Variants in UGT1A3 observed in about 807,000 individuals in gnomAD.
UGT1A3 encodes the protein UDP glucuronosyltransferase family 1 member A3.
A neutral mutation model predicts 41.0 loss-of-function variants in UGT1A3; 31 were observed. The ratio of observed to expected loss-of-function variants is 0.76; its 90% CI spans 0.57 to 1.02. UGT1A3 has a LOEUF of 1.02. Among genes scored for constraint, UGT1A3 ranks in the 50% least tolerant of loss-of-function variants. UGT1A3 has a pLI of 0.00. For synonymous variants in UGT1A3, 262 were observed against 257.6 expected (o/e 1.02, Z -0.17); for missense variants, 737 against 671.0 (o/e 1.10, Z -1.09).
intron 1 of UGT1A3, chr2:233,747,653 T>C: frequency 6.3e-7 from 1 of 1,590,314 alleles, no homozygotes; most frequent in Non-Finnish European, 8.6e-7. Context: ...CTTCCTTCGA[T>C]GTGGTTTTAA....
chr2:233,768,575 AT>A (rs1699646969), intron 4 of UGT1A3, 136 bp downstream of exon 4: 6 of 1,110,618 alleles, frequency 5.4e-6, no homozygotes, highest in Non-Finnish European at 7.1e-6. Flanking sequence ...CTGGATTTTT[AT>A]TTCTTCTTTT....
intron 1 of UGT1A3, among the ~76,000 whole-genome samples, chr2:233,741,049 G>T (rs1450798291): frequency 1.3e-5 from 2 of 151,748 alleles, no homozygotes; most frequent in Non-Finnish European, 2.9e-5. Context: ...ATCTTGCCTA[G>T]GTAACAGCTA....
Position 233,734,360 on chromosome 2 carries a change from C to A in UGT1A3, c.867+4367C>A, listed in dbSNP as rs565800937. 2.0e-5 allele frequency among the ~76,000 whole-genome samples: 3 copies of A among 152,192 alleles called. No homozygotes were observed. The East Asian group carries it at 5.8e-4, about 29-fold the overall frequency. On this transcript the variant is annotated intron_variant, in intron 1 of 4. Transcript: ENST00000482026. ...ATGGTAGTTTGTATTTCTGTGGGAT[C>A]GGTGGTGATATTGCCTTTACTATTT...
In UGT1A3 at chr2:233,729,375, G is replaced by C; in HGVS notation, c.249G>C (p.Ser83=). The change falls in exon 1 of 5, where the codon TCG becomes TCC. Residue 83 remains serine, a synonymous_variant. Coordinates refer to ENST00000482026, the MANE Select transcript of UGT1A3 (RefSeq NM_019093.4). ...TCACCCTGACAACCTATGCCATTTC[G>C]TGGACCCAGGATGAATTTGATCGCC... ...NFFTLTTYAI[S]WTQDEFDRHV... is the part of the protein sequence containing the mutation. 6.2e-7 allele frequency: 1 copy of C among 1,614,010 alleles called. No individual in the cohort carries two copies. Among genetic ancestry groups the C allele is most frequent in the Non-Finnish European group, 8.5e-7 (1 of 1,179,910 alleles).
intron 1 of UGT1A3, among the ~76,000 whole-genome samples, chr2:233,745,573 G>T (rs1271557146): frequency 6.6e-6 from 1 of 151,620 alleles, no homozygotes; most frequent in African/African-American, 2.4e-5. Flanking sequence ...AGCCTCTAGT[G>T]ACATAACCTG....
rs371746067 is a variant in UGT1A3, at chr2:233,749,430, ACT to A, written c.868-17603_868-17602del. On this transcript the variant is annotated intron_variant, in intron 1 of 4. Transcript: ENST00000482026. ...TGTTAACTACATTGCTCAAAACTTC[ACT>A]GTCATCTCAGTGGAGCAGAACGAAT... Among the ~76,000 whole-genome samples, 11 of 151,874 alleles carry A rather than the reference ACT, an allele frequency of 7.2e-5. No individual in the cohort carries two copies. In the East Asian group the frequency reaches 1.7e-3, roughly 24 times the overall value.
chr2:233,752,739 T>C (rs1241633720), intron 1 of UGT1A3, among the ~76,000 whole-genome samples: 1 of 152,224 alleles, frequency 6.6e-6, no homozygotes, highest in East Asian at 1.9e-4. Context: ...AGAGAGACCC[T>C]GTCTCTAAAA....
rs188436882 is a variant in UGT1A3, at chr2:233,767,775, A to G, written c.1000-74A>G. ...TTCCTTCAGAGGACCCCTGTTTTCT[A>G]GTTAGTATAGCAGATTTGTTTTCTA... is the stretch of plus-strand genomic sequence containing the variant. On this transcript the variant is annotated intron_variant, in intron 2 of 4. Transcript: ENST00000482026. 16 of 1,612,270 alleles carry G rather than the reference A, an allele frequency of 9.9e-6. No individual in the cohort carries two copies. In the East Asian group the frequency reaches 3.1e-4, roughly 31 times the overall value.
At chr2:233,745,011 G>A (rs1692986382) in intron 1 of UGT1A3, among the ~76,000 whole-genome samples, 1 of 151,810 alleles carries the variant, frequency 6.6e-6, no homozygotes, top group South Asian at 2.1e-4. Flanking sequence ...CCTAATAAAT[G>A]TAAATGCTAT....
chr2:233,732,984 G>A lies in UGT1A3; in HGVS notation c.867+2991G>A, dbSNP rs112925257. On this transcript the variant is annotated intron_variant, in intron 1 of 4. Coordinates refer to ENST00000482026, the MANE Select transcript of UGT1A3 (RefSeq NM_019093.4). ...ATTTGTTTGTGTCTTCTTTTATTTCGTTGAGCAGTGGTTTGTAGTTCTCCT... is the reference window on the plus strand; with the variant it reads ...ATTTGTTTGTGTCTTCTTTTATTTCATTGAGCAGTGGTTTGTAGTTCTCCT... 1.2e-3 allele frequency among the ~76,000 whole-genome samples: 181 copies of A among 152,020 alleles called. 1 individual carries two copies. The highest frequency in any genetic ancestry group is 5.5e-3 in the Admixed American group (84 of 15,268).
At chr2:233,738,879 G>A (rs1446343091) in intron 1 of UGT1A3, 1 of 152,238 alleles carries the variant, frequency 6.6e-6, no homozygotes, top group Admixed American at 6.5e-5. Context: ...TCCAGGGCAT[G>A]TCAGAGACCT....
rs541532523 is a variant in UGT1A3, at chr2:233,772,760, G to A, written c.*201G>A. The A allele has an allele frequency of 2.4e-5, 33 of 1,393,894 alleles. No homozygotes were observed. The South Asian group carries it at 2.9e-4, about 12-fold the overall frequency. The allele number at this position is 1,393,894 out of a possible 1,614,324, so 86.3% of individuals were successfully genotyped here. A position where few individuals can be genotyped will look rare whatever the true frequency, so the allele number is the denominator to read the frequency against. On this transcript the variant is annotated 3_prime_UTR_variant, in exon 5 of 5. Transcript: ENST00000482026. ...CAGTAAAGATATTTGAATATGTATC[G>A]TGCCCCCTCTGGTGTCTTTGATCAG...
At chr2:233,763,732 A>T (rs1272484781) in intron 1 of UGT1A3, among the ~76,000 whole-genome samples, 1 of 152,234 alleles carries the variant, frequency 6.6e-6, no homozygotes, top group East Asian at 1.9e-4. Context: ...ACAACCTGGC[A>T]TTGGCGTGTC....
At chr2:233,754,954 C>A (rs761740156) in intron 1 of UGT1A3, 10 of 1,315,520 alleles carry the variant, frequency 7.6e-6, no homozygotes, top group Non-Finnish European at 9.2e-6. Flanking sequence ...GGGTCCCGGC[C>A]GCCAAAGAAC....
intron 1 of UGT1A3, chr2:233,754,567 T>C (rs1377287717): frequency 5.0e-6 from 2 of 402,366 alleles, no homozygotes; most frequent in African/African-American, 4.2e-5. Flanking sequence ...GGGGAGCAAC[T>C]GCTCTATGCC....
chr2:233,747,893 T>G (rs1693806794), intron 1 of UGT1A3: 1 of 1,613,576 alleles, frequency 6.2e-7, no homozygotes. Flanking sequence ...GCCATGCTCT[T>G]TCTGCTCCTT....
chr2:233,766,292 T>C (rs1426642271), intron 1 of UGT1A3, among the ~76,000 whole-genome samples: 2 of 147,940 alleles, frequency 1.4e-5, no homozygotes, highest in African/African-American at 5.0e-5. Context: ...CTCGGTGGCC[T>C]GGGCTCTCCT....
intron 1 of UGT1A3, among the ~76,000 whole-genome samples, chr2:233,766,135 C>T (rs569141558): frequency 2.0e-5 from 3 of 152,288 alleles, no homozygotes; most frequent in Admixed American, 6.5e-5. Context: ...CCAGAAGAAT[C>T]GAATCCCACC....
intron 1 of UGT1A3, chr2:233,755,263 C>T: frequency 1.2e-6 from 1 of 800,084 alleles, no homozygotes; most frequent in South Asian, 1.5e-5. Context: ...TCGTAGTAGT[C>T]CACTATGCTG....
Sources: allele counts gnomAD v4.1 joint callset (sites outside exome capture counted in the v4.1 genomes callset), GRCh38; gene constraint gnomAD v4.1.1; transcripts MANE v1.5; gene names NCBI Gene and HGNC (gene_info 2026-07-23, HGNC 2026-07-21).